The following XKR4 variants were observed in gnomAD, a reference collection of about 807,000 sequenced individuals.
XKR4 encodes the protein XK-related protein 4.
Under a neutral mutation model 53.9 loss-of-function variants are expected in XKR4, and 12 were observed. That is an observed-to-expected ratio of 0.22 (90% CI 0.14 to 0.36). XKR4 has a LOEUF of 0.36. Ranked by LOEUF, XKR4 falls within the 10% of genes least tolerant of loss-of-function variation. XKR4 has a pLI of 1.00. For missense variants in XKR4, 799 were observed against 859.5 expected, an observed-to-expected ratio of 0.93 and a Z score of 0.88; for synonymous variants, 354 against 362.4, an observed-to-expected ratio of 0.98 and a Z score of 0.26.
chr8:55,287,709 C>A (rs1310131730), intron 1 of XKR4, among the ~76,000 whole-genome samples: 6 of 152,220 alleles, frequency 3.9e-5, no homozygotes, highest in African/African-American at 1.4e-4. Context: ...CTTTTCCTTC[C>A]TGTCTTCGCC....
intron 2 of XKR4, among the ~76,000 whole-genome samples, chr8:55,407,856 G>A (rs763572742): frequency 2.0e-5 from 3 of 152,214 alleles, no homozygotes; most frequent in Non-Finnish European, 4.4e-5. Context: ...TCAGAAGGGA[G>A]TATCATTGTG....
chr8:55,334,380 G>A (rs569711813), intron 1 of XKR4, among the ~76,000 whole-genome samples: 2 of 152,266 alleles, frequency 1.3e-5, no homozygotes, highest in South Asian at 2.1e-4. Context: ...TTGGAGCTTA[G>A]GGCTGGGTCA....
intron 1 of XKR4, among the ~76,000 whole-genome samples, chr8:55,170,627 C>G (rs187435612): frequency 6.6e-6 from 1 of 151,752 alleles, no homozygotes; most frequent in East Asian, 1.9e-4. Context: ...GTTACAGCAC[C>G]AATAAGAAAT....
intron 1 of XKR4, among the ~76,000 whole-genome samples, chr8:55,153,341 T>C (rs1253357669): frequency 6.6e-6 from 1 of 152,214 alleles, no homozygotes; most frequent in Non-Finnish European, 1.5e-5. Context: ...AGGGAAGATA[T>C]AAGAGAGAAT....
At chr8:55,501,270 C>A (rs1806431735) in intron 2 of XKR4, among the ~76,000 whole-genome samples, 1 of 152,116 alleles carries the variant, frequency 6.6e-6, no homozygotes, top group Non-Finnish European at 1.5e-5. Flanking sequence ...TAGTAAAATA[C>A]ATGCAAAATA....
Position 55,539,331 on chromosome 8 carries a change from G to GA in XKR4, c.*15111dup, listed in dbSNP as rs925491034. 1.3e-5 allele frequency: 2 copies of GA among 151,972 alleles called. No homozygotes were observed. The highest frequency in any genetic ancestry group is 1.9e-4 in the East Asian group (1 of 5,198). The allele number at this position is 151,972 out of a possible 1,614,324, so 9.4% of individuals were successfully genotyped here. On this transcript the variant is annotated 3_prime_UTR_variant, in exon 3 of 3. Transcript: ENST00000327381. The stretch of plus-strand genomic sequence containing the variant: ...TTATTTAAGGATTATATTCCATTGT[G>GA]AAAAAAATGTGCACACTCTTAAAAA...
rs200497399 is a variant in XKR4, at chr8:55,174,205, C to CT, written c.806+70920dup. On this transcript the variant is annotated intron_variant, in intron 1 of 2. Coordinates refer to ENST00000327381, the MANE Select transcript of XKR4 (RefSeq NM_052898.2). ...GACAAGTTTCCTGTTTCATGGCAGA[C>CT]TTTTTTTTTAAACAATGGGAACACT... Among the ~76,000 whole-genome samples, 187 of 151,208 alleles carry CT rather than the reference C, an allele frequency of 1.2e-3. 2 individuals are homozygous for CT. Among genetic ancestry groups the CT allele is most frequent in the Middle Eastern group, 3.5e-3 (1 of 288 alleles).
intron 1 of XKR4, among the ~76,000 whole-genome samples, chr8:55,191,630 C>T (rs1272189841): frequency 6.6e-6 from 1 of 151,580 alleles, no homozygotes; most frequent in African/African-American, 2.4e-5. Flanking sequence ...GACTAGGACA[C>T]GCTTCCATTT....
intron 1 of XKR4, among the ~76,000 whole-genome samples, chr8:55,193,560 C>T (rs1817469994): frequency 6.6e-6 from 1 of 152,192 alleles, no homozygotes; most frequent in Non-Finnish European, 1.5e-5. Flanking sequence ...CTCTGGGGTC[C>T]ATGCGCCTGT....
chr8:55,463,928 G>A lies in XKR4; in HGVS notation c.1007-59353G>A, dbSNP rs1169156192. On this transcript the variant is annotated intron_variant, in intron 2 of 2. Coordinates refer to ENST00000327381, the MANE Select transcript of XKR4 (RefSeq NM_052898.2). ...ACACTCTCCCAAGACTAAACCAGGA[G>A]GAAGTTGAATCTCTGAATAGACCAA... 3.3e-5 allele frequency among the ~76,000 whole-genome samples: 5 copies of A among 152,082 alleles called. No homozygotes were observed. In the South Asian group the frequency reaches 8.3e-4, roughly 25 times the overall value.
chr8:55,258,870 G>C (rs990755433), intron 1 of XKR4, among the ~76,000 whole-genome samples: 2 of 152,110 alleles, frequency 1.3e-5, no homozygotes, highest in Non-Finnish European at 2.9e-5. Flanking sequence ...TGCAGCCACC[G>C]GGGAGTTGGA....
At chr8:55,272,482 A>G (rs1256985857) in intron 1 of XKR4, among the ~76,000 whole-genome samples, 5 of 152,134 alleles carry the variant, frequency 3.3e-5, no homozygotes, top group Non-Finnish European at 5.9e-5. Flanking sequence ...GCAGTCCCCA[A>G]TTTTCAGTCT....
intron 2 of XKR4, among the ~76,000 whole-genome samples, chr8:55,371,106 C>A (rs1056834177): frequency 6.7e-6 from 1 of 150,332 alleles, no homozygotes; most frequent in Non-Finnish European, 1.5e-5. Flanking sequence ...AGGGAAGTAG[C>A]AATGCCATGC....
intron 1 of XKR4, among the ~76,000 whole-genome samples, chr8:55,198,131 T>C (rs911079913): frequency 2.0e-5 from 3 of 152,198 alleles, no homozygotes; most frequent in Non-Finnish European, 4.4e-5. Flanking sequence ...TGATTCCAAT[T>C]TGGCAGCCAA....
rs1585581417 is a variant in XKR4 at position 55,452,989 on chromosome 8, A to G, written c.1007-70292A>G. ...CCGCTCAGGGATGGCCACAGGCACC[A>G]CTGCTCAGAAGCCACTTCTAGGGCA... On this transcript the variant is annotated intron_variant, in intron 2 of 2. Transcript: ENST00000327381. 3 of 694,400 alleles carry G rather than the reference A, an allele frequency of 4.3e-6. No individual in the cohort carries two copies. In the African/African-American group the frequency reaches 5.2e-5, roughly 12 times the overall value. The allele number at this position is 694,400 out of a possible 1,614,324, so 43.0% of individuals were successfully genotyped here.
intron 1 of XKR4, among the ~76,000 whole-genome samples, chr8:55,259,114 A>G (rs10097293): frequency 0.33 from 50,072 of 151,816 alleles, 9,980 homozygotes; most frequent in Non-Finnish European, 0.44. Flanking sequence ...GAGGTAAGAG[A>G]AGGTGAACTT....
chr8:55,336,825 A>G (rs1220080721), intron 1 of XKR4, among the ~76,000 whole-genome samples: 1 of 152,162 alleles, frequency 6.6e-6, no homozygotes, highest in Admixed American at 6.5e-5. Flanking sequence ...CATCAGCACC[A>G]TGAGGTCAAG....
intron 1 of XKR4, among the ~76,000 whole-genome samples, chr8:55,315,474 C>T (rs550409836): frequency 1.3e-5 from 2 of 152,270 alleles, no homozygotes; most frequent in African/African-American, 2.4e-5. Flanking sequence ...GGCACTCCCA[C>T]GCTGAGGCTG....
At chr8:55,396,992 A>C (rs1038629343) in intron 2 of XKR4, among the ~76,000 whole-genome samples, 1 of 152,242 alleles carries the variant, frequency 6.6e-6, no homozygotes, top group Non-Finnish European at 1.5e-5. Flanking sequence ...TGCATAGAAC[A>C]GTGTAAGATA....
Sources: allele counts gnomAD v4.1 joint callset (sites outside exome capture counted in the v4.1 genomes callset), GRCh38; gene constraint gnomAD v4.1.1; transcripts MANE v1.5; gene names NCBI Gene and HGNC (gene_info 2026-07-23, HGNC 2026-07-21).